NKAIN3: variants seen among roughly 807,000 people sequenced by gnomAD.
The protein encoded by NKAIN3 is sodium/potassium-transporting ATPase subunit beta-1-interacting protein 3.
In NKAIN3, 25 loss-of-function variants were observed where a neutral mutation model predicts 30.2. The observed-to-expected ratio is 0.83, with a 90% CI of 0.60 to 1.16. The LOEUF (loss-of-function observed/expected upper bound fraction) is 1.16. Among genes scored for constraint, NKAIN3 ranks in the 50% most tolerant of loss-of-function variants. NKAIN3 has a pLI of 0.00. For synonymous variants in NKAIN3, 91 were observed against 89.6 expected, an observed-to-expected ratio of 1.02 and a Z score of -0.09; for missense variants, 225 against 254.1, an observed-to-expected ratio of 0.89 and a Z score of 0.78.
At chr8:62,702,345 G>T (rs372317076) in intron 3 of NKAIN3, among the ~76,000 whole-genome samples, 1 of 152,200 alleles carries the variant, frequency 6.6e-6, no homozygotes, top group South Asian at 2.1e-4. Flanking sequence ...TTTAAGACAG[G>T]AGAATACACA....
chr8:62,316,593 A>G (rs36140021), intron 1 of NKAIN3, among the ~76,000 whole-genome samples: 29 of 152,128 alleles, frequency 1.9e-4, no homozygotes, highest in Admixed American at 5.9e-4. Context: ...CCCTATCTCT[A>G]CAAAGGATAT....
intron 4 of NKAIN3, among the ~76,000 whole-genome samples, chr8:62,858,809 G>C (rs1340470235): frequency 6.6e-6 from 1 of 152,220 alleles, no homozygotes; most frequent in Non-Finnish European, 1.5e-5. Flanking sequence ...CTGCAGGCTG[G>C]CTGGAATTCC....
Position 62,397,812 on chromosome 8 carries a change from G to A in NKAIN3, c.54+148685G>A, listed in dbSNP as rs1199780539. ...CTACTGTGGCAAAGCCAGGAAGAAA[G>A]GCAAGCAGGAGGAGAGCAAAGGGAG... On this transcript the variant is annotated intron_variant, in intron 1 of 6. Transcript: ENST00000623646. Among the ~76,000 whole-genome samples the A allele has an allele frequency of 9.9e-5, 15 of 152,104 alleles. 1 individual carries two copies. The highest frequency in any genetic ancestry group is 3.1e-4 in the African/African-American group (13 of 41,428).
At chr8:62,362,116 A>T (rs2351673) in intron 1 of NKAIN3, among the ~76,000 whole-genome samples, 147,601 of 152,266 alleles carry the variant, frequency 0.97, 71,597 homozygotes, top group East Asian at 1. Flanking sequence ...GTACAGGAGC[A>T]GACAGAGAAA....
intron 3 of NKAIN3, among the ~76,000 whole-genome samples, chr8:62,602,045 T>A (rs1000921020): frequency 6.6e-6 from 1 of 152,052 alleles, no homozygotes; most frequent in African/African-American, 2.4e-5. Flanking sequence ...CTCAAAAATC[T>A]TTATCCTAAA....
intron 1 of NKAIN3, among the ~76,000 whole-genome samples, chr8:62,500,476 A>AGAAG (rs1563427455): frequency 4.4e-5 from 6 of 136,338 alleles, no homozygotes; most frequent in Non-Finnish European, 9.4e-5. Context: ...AAAGAAAGAA[A>AGAAG]GAAAGAAAGA....
At chr8:62,500,708 A>AGGGACAAGGAT (rs1807421224) in intron 1 of NKAIN3, among the ~76,000 whole-genome samples, 1 of 152,164 alleles carries the variant, frequency 6.6e-6, no homozygotes, top group Non-Finnish European at 1.5e-5. Context: ...TTGGGCAGGA[A>AGGGACAAGGAT]GGGACAAGGA....
At chr8:62,560,919 A>G (rs1381052345) in intron 1 of NKAIN3, among the ~76,000 whole-genome samples, 2 of 151,992 alleles carry the variant, frequency 1.3e-5, no homozygotes, top group East Asian at 1.9e-4. Context: ...AAGTTCTACA[A>G]TTTTTTATTC....
chr8:62,980,945 C>T lies in NKAIN3; in HGVS notation c.*15538C>T, dbSNP rs928446330. The T allele has an allele frequency of 3.9e-5, 6 of 152,166 alleles. No individual in the cohort carries two copies. Among genetic ancestry groups the T allele is most frequent in the Non-Finnish European group, 8.8e-5 (6 of 68,022 alleles). The allele number at this position is 152,166 out of a possible 1,614,324, so 9.4% of individuals were successfully genotyped here. ...TGGAACTCAAATTATCTAAGGTTTA[C>T]CCAGAAGTCAAAATCACCTGGCCCT... On this transcript the variant is annotated 3_prime_UTR_variant, in exon 7 of 7. Coordinates refer to ENST00000623646, the MANE Select transcript of NKAIN3 (RefSeq NM_001304533.3).
intron 1 of NKAIN3, among the ~76,000 whole-genome samples, chr8:62,531,195 C>A (rs1450942169): frequency 6.6e-6 from 1 of 152,150 alleles, no homozygotes; most frequent in Non-Finnish European, 1.5e-5. Flanking sequence ...TACTCCTGGC[C>A]ACATCTACAG....
chr8:62,466,930 T>G (rs2129599810), intron 1 of NKAIN3, among the ~76,000 whole-genome samples: 1 of 152,294 alleles, frequency 6.6e-6, no homozygotes, highest in Non-Finnish European at 1.5e-5. Context: ...TTTTAAAAGG[T>G]TAATCAGATC....
chr8:62,428,580 T>C (rs1804890954), intron 1 of NKAIN3, among the ~76,000 whole-genome samples: 1 of 152,044 alleles, frequency 6.6e-6, no homozygotes, highest in South Asian at 2.1e-4. Flanking sequence ...GGTTTTGATT[T>C]GCAGTCCCCT....
In NKAIN3 at chr8:62,358,179, T is replaced by G. The variant is rs950741195; in HGVS notation, c.54+109052T>G. On this transcript the variant is annotated intron_variant, in intron 1 of 6. Coordinates refer to ENST00000623646, the MANE Select transcript of NKAIN3 (RefSeq NM_001304533.3). ...GGCCTGAATTATGTCACTGATAGTT[T>G]TACCAAGAAGTACTTACATTTATGA... 7.2e-5 allele frequency among the ~76,000 whole-genome samples: 11 copies of G among 151,960 alleles called. No individual in the cohort carries two copies. The East Asian group carries it at 2.1e-3, about 29-fold the overall frequency.
chr8:62,876,322 G>C (rs1434051509), intron 4 of NKAIN3, among the ~76,000 whole-genome samples: 2 of 152,120 alleles, frequency 1.3e-5, no homozygotes, highest in Non-Finnish European at 2.9e-5. Flanking sequence ...AATAGATACT[G>C]GTGAGGGTGT....
intron 1 of NKAIN3, among the ~76,000 whole-genome samples, chr8:62,381,147 T>C (rs1817263130): frequency 6.6e-6 from 1 of 152,196 alleles, no homozygotes; most frequent in Admixed American, 6.6e-5. Flanking sequence ...TTCCATACTT[T>C]CCAAGGCTCT....
intron 5 of NKAIN3, among the ~76,000 whole-genome samples, chr8:62,940,505 C>A (rs1249411043): frequency 6.6e-6 from 1 of 151,936 alleles, no homozygotes; most frequent in Admixed American, 6.6e-5. Context: ...CCAAGGTGGA[C>A]CATAAGATAG....
intron 4 of NKAIN3, among the ~76,000 whole-genome samples, chr8:62,774,629 T>C (rs1298399692): frequency 6.6e-6 from 1 of 152,216 alleles, no homozygotes; most frequent in Non-Finnish European, 1.5e-5. Flanking sequence ...TGTTGAATTT[T>C]ATAGAATGCT....
intron 3 of NKAIN3, among the ~76,000 whole-genome samples, chr8:62,602,940 G>A (rs1811025842): frequency 6.6e-6 from 1 of 152,068 alleles, no homozygotes; most frequent in Non-Finnish European, 1.5e-5. Flanking sequence ...TCCAACTGCT[G>A]AGCTGAATTT....
intron 1 of NKAIN3, among the ~76,000 whole-genome samples, chr8:62,553,371 C>T (rs1809277595): frequency 6.6e-6 from 1 of 152,076 alleles, no homozygotes; most frequent in Admixed American, 6.6e-5. Context: ...TATTGTGCAG[C>T]CACAATATGC....
Sources: gnomAD v4.1 joint callset for allele counts (sites outside exome capture counted in the v4.1 genomes callset) on GRCh38, gnomAD v4.1.1 for gene constraint, MANE v1.5 for transcripts, NCBI Gene and HGNC (gene_info 2026-07-23, HGNC 2026-07-21) for gene names.